The following STAG1 variants were observed in gnomAD, a reference collection of about 807,000 sequenced individuals.
The protein encoded by STAG1 is STAG1 cohesin complex component.
Under a neutral mutation model 170.9 loss-of-function variants are expected in STAG1, and 26 were observed. The observed-to-expected ratio is 0.15, with a 90% CI of 0.11 to 0.21. STAG1 has a LOEUF of 0.21. STAG1 is among the 10% of genes least tolerant of loss of function. STAG1 has a pLI of 1.00. For synonymous variants in STAG1, 514 were observed against 497.7 expected (o/e 1.03, Z -0.44); for missense variants, 964 against 1,509.5 (o/e 0.64, Z 5.99).
intron 1 of STAG1, among the ~76,000 whole-genome samples, chr3:136,745,649 A>C (rs1332544221): frequency 2.0e-5 from 3 of 152,124 alleles, no homozygotes; most frequent in Non-Finnish European, 4.4e-5. Flanking sequence ...CCTGCCTCTC[A>C]CCTCCTGCTG....
intron 1 of STAG1, among the ~76,000 whole-genome samples, chr3:136,742,567 T>C (rs962509911): frequency 1.3e-5 from 2 of 151,822 alleles, no homozygotes; most frequent in African/African-American, 4.8e-5. Flanking sequence ...ATACAAAAAT[T>C]AGCTGGGTGT....
intron 16 of STAG1, among the ~76,000 whole-genome samples, chr3:136,431,844 T>A (rs956933239): frequency 1.7e-4 from 26 of 152,334 alleles, no homozygotes; most frequent in African/African-American, 6.3e-4. Flanking sequence ...TCAAGATTTT[T>A]TGTCTTTGTC....
chr3:136,617,803 A>G (rs980630698), intron 3 of STAG1, among the ~76,000 whole-genome samples: 2 of 152,168 alleles, frequency 1.3e-5, no homozygotes, highest in African/African-American at 4.8e-5. Flanking sequence ...ATGCTAAACC[A>G]AGAGGGTGGG....
intron 1 of STAG1, among the ~76,000 whole-genome samples, chr3:136,743,001 A>G (rs1220414048): frequency 6.6e-6 from 1 of 152,208 alleles, no homozygotes; most frequent in East Asian, 1.9e-4. Flanking sequence ...GATACTAAAG[A>G]CAAATACTGA....
rs1381830496 is a variant in STAG1, at chr3:136,687,988, C to T, written c.-83-57007G>A. Among the ~76,000 whole-genome samples, 4 of 152,118 alleles carry T rather than the reference C, an allele frequency of 2.6e-5. No homozygotes were observed. The South Asian group carries it at 6.2e-4, about 24-fold the overall frequency. ...ATGACCTCATGTGATCCACCCGCCT[C>T]GACCTCCCAAAGTGCTGGGATTACA... On this transcript the variant is annotated intron_variant, in intron 1 of 33. Transcript: ENST00000383202.
At chr3:136,610,499 G>C (rs1450498570) in intron 3 of STAG1, among the ~76,000 whole-genome samples, 1 of 152,110 alleles carries the variant, frequency 6.6e-6, no homozygotes, top group East Asian at 1.9e-4. Context: ...TGAGTATGTT[G>C]TGTATATGCT....
At chr3:136,425,143 T>C (rs1007384388) in intron 16 of STAG1, among the ~76,000 whole-genome samples, 2 of 152,166 alleles carry the variant, frequency 1.3e-5, no homozygotes, top group African/African-American at 4.8e-5. Context: ...CAGCTGATTA[T>C]TCATTATTTC....
intron 5 of STAG1, among the ~76,000 whole-genome samples, chr3:136,566,626 C>T (rs540548325): frequency 2.6e-5 from 4 of 152,252 alleles, no homozygotes; most frequent in African/African-American, 7.2e-5. Context: ...TCTTAATACA[C>T]TTTGTTGAAA....
chr3:136,579,958 A>ATTTTTTTTTTTTTTTTTTTTTTTTTTTTT lies in STAG1; in HGVS notation c.298-11098_298-11097insAAAAAAAAAAAAAAAAAAAAAAAAAAAAA, dbSNP rs749325884. ...CTATTTTGGTCACAATACCATCTGA[A>ATTTTTTTTTTTTTTTTTTTTTTTTTTTTT]TTTTTTTTTTTTTTTTTTTTTTTTT... is the stretch of plus-strand genomic sequence containing the variant. On this transcript the variant is annotated intron_variant, in intron 4 of 33. Coordinates refer to ENST00000383202, the MANE Select transcript of STAG1 (RefSeq NM_005862.3). 2.7e-5 allele frequency among the ~76,000 whole-genome samples: 2 copies of ATTTTTTTTTTTTTTTTTTTTTTTTTTTTT among 73,646 alleles called. 1 individual carries two copies. Among genetic ancestry groups the ATTTTTTTTTTTTTTTTTTTTTTTTTTTTT allele is most frequent in the Non-Finnish European group, 4.9e-5 (2 of 41,054 alleles). The allele number at this position is 73,646 out of a possible 152,430, so 48.3% of individuals were successfully genotyped here.
intron 10 of STAG1, 45 bp downstream of exon 10, chr3:136,477,237 TAGTACTG>T (rs2089776044): frequency 6.5e-7 from 1 of 1,536,336 alleles, no homozygotes; most frequent in African/African-American, 1.4e-5. Flanking sequence ...CCCAGCATTT[TAGTACTG>T]AGACAAACAT....
intron 1 of STAG1, among the ~76,000 whole-genome samples, chr3:136,700,328 G>T (rs534251221): frequency 6.7e-6 from 1 of 149,840 alleles, no homozygotes. Flanking sequence ...TTCGAATCTC[G>T]GTCTGCTGAA....
chr3:136,473,233 A>G (rs2089668557), intron 11 of STAG1, among the ~76,000 whole-genome samples: 1 of 152,158 alleles, frequency 6.6e-6, no homozygotes, highest in Non-Finnish European at 1.5e-5. Flanking sequence ...CAGGGCTGCA[A>G]TGATTCTACC....
intron 4 of STAG1, among the ~76,000 whole-genome samples, chr3:136,592,143 C>G (rs9821478): frequency 0.05 from 7,658 of 152,160 alleles, 216 homozygotes; most frequent in East Asian, 0.13. Context: ...GATCCTGAAC[C>G]CTCCCTTTAT....
intron 23 of STAG1, among the ~76,000 whole-genome samples, chr3:136,370,693 T>A (rs1400770210): frequency 1.3e-5 from 2 of 152,234 alleles, no homozygotes; most frequent in Admixed American, 1.3e-4. Context: ...CATGAACTCA[T>A]CATTTTTTAT....
chr3:136,574,244 CA>C (rs555095073), intron 4 of STAG1, among the ~76,000 whole-genome samples: 6 of 144,306 alleles, frequency 4.2e-5, no homozygotes, highest in African/African-American at 5.1e-5. Flanking sequence ...TCTGTCCCCC[CA>C]AAAAAAAAAC....
At chr3:136,664,923 A>G (rs1244017654) in intron 1 of STAG1, among the ~76,000 whole-genome samples, 2 of 152,234 alleles carry the variant, frequency 1.3e-5, no homozygotes, top group African/African-American at 2.4e-5. Flanking sequence ...AAAAGTATCT[A>G]AGAGAGCAGG....
chr3:136,638,777 C>A (rs73230012), intron 1 of STAG1, among the ~76,000 whole-genome samples: 1,820 of 152,054 alleles, frequency 0.012, 21 homozygotes, highest in Non-Finnish European at 0.02. Context: ...TAGCATGCGC[C>A]CGTAATCCTA....
chr3:136,506,240 C>G (rs375204817), intron 7 of STAG1, among the ~76,000 whole-genome samples: 1 of 152,092 alleles, frequency 6.6e-6, no homozygotes, highest in South Asian at 2.1e-4. Context: ...AATAATGAGT[C>G]TTAGGTTTTT....
intron 23 of STAG1, among the ~76,000 whole-genome samples, chr3:136,373,476 G>C (rs1937459047): frequency 6.6e-6 from 1 of 151,958 alleles, no homozygotes; most frequent in African/African-American, 2.4e-5. Flanking sequence ...GCTTTCTCTT[G>C]TGGGCATTTA....
Sources: allele counts gnomAD v4.1 joint callset (sites outside exome capture counted in the v4.1 genomes callset), GRCh38; gene constraint gnomAD v4.1.1; transcripts MANE v1.5; gene names NCBI Gene and HGNC (gene_info 2026-07-23, HGNC 2026-07-21).